The following CACNA2D3 variants were observed in gnomAD, a reference collection of about 807,000 sequenced individuals.
CACNA2D3 encodes the protein voltage-dependent calcium channel subunit alpha-2/delta-3.
A neutral mutation model predicts 160.6 loss-of-function variants in CACNA2D3; 60 were observed. The ratio of observed to expected loss-of-function variants is 0.37; its 90% CI spans 0.30 to 0.46. CACNA2D3 has a LOEUF of 0.46. Among genes scored for constraint, CACNA2D3 ranks in the 20% least tolerant of loss-of-function variants. The pLI is 1.00. For missense variants in CACNA2D3, 1,205 were observed against 1,365.0 expected (o/e 0.88, Z 1.85); for synonymous variants, 558 against 492.9 (o/e 1.13, Z -1.75).
At chr3:54,328,199 C>T (rs939706563) in intron 3 of CACNA2D3, among the ~76,000 whole-genome samples, 11 of 152,038 alleles carry the variant, frequency 7.2e-5, no homozygotes, top group East Asian at 1.9e-4. Context: ...GAACTATTTC[C>T]GCATTATCCT....
intron 2 of CACNA2D3, among the ~76,000 whole-genome samples, chr3:54,142,057 G>C (rs1190322682): frequency 6.6e-6 from 1 of 152,214 alleles, no homozygotes; most frequent in Non-Finnish European, 1.5e-5. Flanking sequence ...GCTCTGGTCT[G>C]GGTTCGGAGG....
chr3:54,627,857 C>T lies in CACNA2D3; in HGVS notation c.1034C>T (p.Ala345Val). 6.2e-7 allele frequency: 1 copy of T among 1,603,242 alleles called. No homozygotes were observed. The highest frequency in any genetic ancestry group is 8.5e-7 in the Non-Finnish European group (1 of 1,173,246). The change falls in exon 10 of 38, where the codon GCC (alanine) becomes GTC (valine). Residue 345 changes from alanine (A) to valine (V), a missense_variant. Physicochemically the swap from Ala to Val is moderately conservative, Grantham distance 64. Transcript: ENST00000474759. ...ATGTTGGATATAGCTCTGAATGAGG[C>T]CTTCAACATTCTGAGTGATGTAAGT... is the stretch of plus-strand genomic sequence containing the variant. ...IGMLDIALNE[A>V]FNILSDFNHT...
chr3:54,499,535 C>A (rs988426895), intron 4 of CACNA2D3, among the ~76,000 whole-genome samples: 1 of 152,058 alleles, frequency 6.6e-6, no homozygotes, highest in African/African-American at 2.4e-5. Context: ...TCTTCTGATA[C>A]ATGTGTTCAG....
At chr3:54,689,190 C>A (rs1276459638) in intron 11 of CACNA2D3, among the ~76,000 whole-genome samples, 1 of 151,894 alleles carries the variant, frequency 6.6e-6, no homozygotes, top group Non-Finnish European at 1.5e-5. Flanking sequence ...TCGATCTCGC[C>A]CTCTCCTTGA....
chr3:54,584,918 G>A (rs949529677), intron 9 of CACNA2D3, among the ~76,000 whole-genome samples: 3 of 152,174 alleles, frequency 2.0e-5, no homozygotes, highest in Non-Finnish European at 4.4e-5. Flanking sequence ...TCTATATCCA[G>A]TGAAAATATC....
At chr3:54,130,001 T>C (rs1576945558) in intron 2 of CACNA2D3, among the ~76,000 whole-genome samples, 1 of 152,326 alleles carries the variant, frequency 6.6e-6, no homozygotes, top group South Asian at 2.1e-4. Flanking sequence ...CCAACAGGCA[T>C]GGATTTGTTC....
chr3:54,169,689 G>A (rs1182059873), intron 2 of CACNA2D3, among the ~76,000 whole-genome samples: 1 of 128,684 alleles, frequency 7.8e-6, no homozygotes, highest in Non-Finnish European at 1.8e-5. Flanking sequence ...GTGTGTATGT[G>A]TGTGCATGTG....
At chr3:54,411,815 A>C (rs1233398562) in intron 4 of CACNA2D3, among the ~76,000 whole-genome samples, 2 of 152,220 alleles carry the variant, frequency 1.3e-5, no homozygotes, top group Non-Finnish European at 2.9e-5. Context: ...TGAAACAAAA[A>C]ACAAAAAAGA....
chr3:54,992,648 C>T (rs542937335), intron 31 of CACNA2D3, among the ~76,000 whole-genome samples: 1 of 152,236 alleles, frequency 6.6e-6, no homozygotes, highest in East Asian at 1.9e-4. Context: ...TTGAGGTCAG[C>T]TTCTTGGATT....
intron 4 of CACNA2D3, among the ~76,000 whole-genome samples, chr3:54,492,392 C>A: frequency 6.6e-6 from 1 of 152,342 alleles, no homozygotes; most frequent in African/African-American, 2.4e-5. Flanking sequence ...CTGTCCAAAT[C>A]TGTGACAGAA....
chr3:55,033,709 A>ATATAT (rs1703730409), intron 35 of CACNA2D3, among the ~76,000 whole-genome samples: 1 of 126,976 alleles, frequency 7.9e-6, no homozygotes, highest in African/African-American at 3.1e-5. Flanking sequence ...AATATATATA[A>ATATAT]TATATATTAT....
chr3:54,273,586 G>C (rs994150412), intron 2 of CACNA2D3, among the ~76,000 whole-genome samples: 3 of 152,160 alleles, frequency 2.0e-5, no homozygotes, highest in African/African-American at 7.2e-5. Context: ...GTGAGACTTA[G>C]ACGCTGTCTG....
intron 11 of CACNA2D3, among the ~76,000 whole-genome samples, chr3:54,671,440 G>A (rs540367077): frequency 6.6e-6 from 1 of 152,074 alleles, no homozygotes; most frequent in Admixed American, 6.6e-5. Flanking sequence ...TAAAGGCTTG[G>A]CTGGTGCCTC....
chr3:55,002,190 A>G (rs969318433), intron 31 of CACNA2D3, among the ~76,000 whole-genome samples: 4 of 151,758 alleles, frequency 2.6e-5, no homozygotes, highest in African/African-American at 9.7e-5. Flanking sequence ...TACCCTGTAT[A>G]TACGACAGGA....
At chr3:54,224,618 G>A (rs1701636385) in intron 2 of CACNA2D3, among the ~76,000 whole-genome samples, 1 of 152,148 alleles carries the variant, frequency 6.6e-6, no homozygotes. Flanking sequence ...GGGCATGACT[G>A]TATATGAATA....
At chr3:54,407,936 A>T (rs1337108988) in intron 4 of CACNA2D3, among the ~76,000 whole-genome samples, 2 of 152,134 alleles carry the variant, frequency 1.3e-5, no homozygotes, top group African/African-American at 4.8e-5. Context: ...GATTTCTAAG[A>T]TCTCATCCAC....
intron 2 of CACNA2D3, among the ~76,000 whole-genome samples, chr3:54,276,587 AAAAG>A (rs1486882804): frequency 0.096 from 10,380 of 108,266 alleles, 364 homozygotes; most frequent in East Asian, 0.27. Context: ...AAAAAAAAAA[AAAAG>A]AAGAAGAAGA....
At chr3:54,593,203 T>C (rs186326060) in intron 9 of CACNA2D3, among the ~76,000 whole-genome samples, 2 of 152,286 alleles carry the variant, frequency 1.3e-5, no homozygotes, top group East Asian at 1.9e-4. Context: ...ACAACCTACA[T>C]GTAAATAAAT....
intron 11 of CACNA2D3, among the ~76,000 whole-genome samples, chr3:54,666,495 T>C (rs1700071564): frequency 1.3e-5 from 2 of 152,106 alleles, no homozygotes; most frequent in Non-Finnish European, 2.9e-5. Flanking sequence ...ACTGCCTCAG[T>C]TTCTATATTT....
Sources: gnomAD v4.1 joint callset for allele counts (sites outside exome capture counted in the v4.1 genomes callset) on GRCh38, gnomAD v4.1.1 for gene constraint, MANE v1.5 for transcripts, NCBI Gene and HGNC (gene_info 2026-07-23, HGNC 2026-07-21) for gene names.